Variants in FRMD4A observed in about 807,000 individuals in gnomAD.
FRMD4A encodes FERM domain containing 4A.
Under a neutral mutation model 129.1 loss-of-function variants are expected in FRMD4A, and 29 were observed. That is an observed-to-expected ratio of 0.22 (90% CI 0.17 to 0.31). FRMD4A has a LOEUF of 0.31. Ranked by LOEUF, FRMD4A falls within the 10% of genes least tolerant of loss-of-function variation. The pLI, the probability that FRMD4A is intolerant of heterozygous loss-of-function variation, is 1.00. For missense variants in FRMD4A, 1,272 were observed against 1,375.8 expected (o/e 0.92, Z 1.19); for synonymous variants, 634 against 571.6 (o/e 1.11, Z -1.56).
At chr10:13,685,620 T>C in intron 15 of FRMD4A, 1 of 984,660 alleles carries the variant, frequency 1.0e-6, no homozygotes, top group Non-Finnish European at 1.2e-6. Flanking sequence ...TGGCCCTAAA[T>C]GGGAACAGAG....
intron 2 of FRMD4A, among the ~76,000 whole-genome samples, chr10:13,954,613 G>A (rs993340982): frequency 6.6e-6 from 1 of 152,148 alleles, no homozygotes; most frequent in African/African-American, 2.4e-5. Flanking sequence ...GGGGAATTGA[G>A]AGGAGAAATT....
At chr10:13,713,245 C>A (rs1267105994) in intron 12 of FRMD4A, among the ~76,000 whole-genome samples, 5 of 152,136 alleles carry the variant, frequency 3.3e-5, no homozygotes, top group Non-Finnish European at 1.5e-5. Context: ...GATAAAGTAA[C>A]CCCAGTAGAG....
At chr10:14,131,892 T>C (rs1839278272) in intron 2 of FRMD4A, among the ~76,000 whole-genome samples, 1 of 152,162 alleles carries the variant, frequency 6.6e-6, no homozygotes, top group African/African-American at 2.4e-5. Flanking sequence ...TCAAAACACC[T>C]GCACCTCCAT....
At chr10:13,882,683 C>T (rs1434372335) in intron 2 of FRMD4A, among the ~76,000 whole-genome samples, 1 of 152,214 alleles carries the variant, frequency 6.6e-6, no homozygotes, top group African/African-American at 2.4e-5. Flanking sequence ...CCTCACTGCC[C>T]AGCCAGCAGG....
chr10:13,787,006 A>C (rs2092882062), intron 5 of FRMD4A, among the ~76,000 whole-genome samples: 1 of 152,124 alleles, frequency 6.6e-6, no homozygotes, highest in South Asian at 2.1e-4. Context: ...TTCCACTCTC[A>C]TATGATGGAA....
intron 2 of FRMD4A, among the ~76,000 whole-genome samples, chr10:14,014,321 A>C (rs976522333): frequency 1.3e-5 from 2 of 152,242 alleles, no homozygotes; most frequent in African/African-American, 4.8e-5. Context: ...CATTCTATGC[A>C]TGTAACAAAA....
intron 6 of FRMD4A, among the ~76,000 whole-genome samples, chr10:13,774,345 T>C (rs2092543296): frequency 6.6e-6 from 1 of 152,138 alleles, no homozygotes; most frequent in Admixed American, 6.5e-5. Context: ...GAAGGCAGTG[T>C]TCACAGTTTG....
rs117087576 is a variant in FRMD4A at position 14,318,830 on chromosome 10, C to T, written c.45+11228G>A. Among the ~76,000 whole-genome samples the T allele has an allele frequency of 3.4e-3, 516 of 152,272 alleles. 1 individual carries two copies. Among genetic ancestry groups the T allele is most frequent in the Non-Finnish European group, 4.6e-3 (313 of 68,014 alleles). On this transcript the variant is annotated intron_variant, in intron 2 of 24. Coordinates refer to ENST00000357447, the MANE Select transcript of FRMD4A (RefSeq NM_018027.5). The stretch of plus-strand genomic sequence containing the variant: ...CATCGACATGTCCTTCATCAAGAGG[C>T]AGTCTATATCCTCTCACCTTGGATC...
chr10:14,213,644 G>A (rs1842990944), intron 2 of FRMD4A, among the ~76,000 whole-genome samples: 1 of 152,230 alleles, frequency 6.6e-6, no homozygotes, highest in Admixed American at 6.5e-5. Context: ...AAGCATGGCA[G>A]CAAGCCAGCC....
intron 12 of FRMD4A, among the ~76,000 whole-genome samples, chr10:13,730,242 C>T (rs756145247): frequency 1.3e-5 from 2 of 152,184 alleles, no homozygotes; most frequent in East Asian, 1.9e-4. Flanking sequence ...GAGAGCCGGA[C>T]GTGAGCCAGA....
chr10:13,856,049 T>C (rs893538551), intron 3 of FRMD4A, among the ~76,000 whole-genome samples: 1 of 151,634 alleles, frequency 6.6e-6, no homozygotes. Flanking sequence ...TATCTATCTA[T>C]CTATCTATCT....
At chr10:13,903,508 C>A (rs1285474052) in intron 2 of FRMD4A, among the ~76,000 whole-genome samples, 1 of 152,136 alleles carries the variant, frequency 6.6e-6, no homozygotes, top group Non-Finnish European at 1.5e-5. Flanking sequence ...GCAGGAGGAT[C>A]ACTCTAGGCC....
At chr10:14,160,516 G>A (rs575259583) in intron 2 of FRMD4A, among the ~76,000 whole-genome samples, 1 of 152,238 alleles carries the variant, frequency 6.6e-6, no homozygotes. Flanking sequence ...TTGAATGGGA[G>A]AAAATGTTTG....
intron 2 of FRMD4A, among the ~76,000 whole-genome samples, chr10:14,185,307 G>C (rs1157437450): frequency 1.3e-5 from 2 of 152,156 alleles, no homozygotes; most frequent in Non-Finnish European, 2.9e-5. Flanking sequence ...AGGATGTAGA[G>C]ATAGAGTCTT....
rs368493315 is a variant in FRMD4A, at chr10:14,132,094, T to C, written c.45+197964A>G. Among the ~76,000 whole-genome samples the C allele has an allele frequency of 7.2e-5, 11 of 152,304 alleles. No homozygotes were observed. The East Asian group carries it at 1.2e-3, about 16-fold the overall frequency. Reference sequence around the variant, plus strand: ...GGAGGTCAGGAGATCAAGACCAGCCTGGCCAACATGGTGAAACCCCATCTC... The same window carrying C: ...GGAGGTCAGGAGATCAAGACCAGCCCGGCCAACATGGTGAAACCCCATCTC... On this transcript the variant is annotated intron_variant, in intron 2 of 24. Coordinates refer to ENST00000357447, the MANE Select transcript of FRMD4A (RefSeq NM_018027.5).
At chr10:13,845,345 C>G (rs912536011) in intron 3 of FRMD4A, among the ~76,000 whole-genome samples, 1 of 152,152 alleles carries the variant, frequency 6.6e-6, no homozygotes, top group Middle Eastern at 3.2e-3. Flanking sequence ...TGTTGGAGAT[C>G]TGGAAGGTTG....
intron 3 of FRMD4A, among the ~76,000 whole-genome samples, chr10:13,812,641 G>A (rs770767222): frequency 1.3e-5 from 2 of 152,166 alleles, no homozygotes; most frequent in African/African-American, 2.4e-5. Context: ...CAAAGAAGAT[G>A]CTCCACCCTT....
At position 13,837,072 on chromosome 10, in the gene FRMD4A, C is replaced by G. The variant is rs112885840; in HGVS notation, c.111+21775G>C. Among the ~76,000 whole-genome samples, 261 of 147,928 alleles carry G rather than the reference C, an allele frequency of 1.8e-3. 2 individuals carry two copies. Among genetic ancestry groups the G allele is most frequent in the Middle Eastern group, 6.9e-3 (2 of 288 alleles). On this transcript the variant is annotated intron_variant, in intron 3 of 24. Coordinates refer to ENST00000357447, the MANE Select transcript of FRMD4A (RefSeq NM_018027.5). ...GCACCCGGCCGGTTCCTCAGTGGTT[C>G]TTAAGCAAATGTGCCCACATCTCAC...
At chr10:13,818,498 G>A (rs1029565526) in intron 3 of FRMD4A, among the ~76,000 whole-genome samples, 1 of 152,078 alleles carries the variant, frequency 6.6e-6, no homozygotes, top group Non-Finnish European at 1.5e-5. Context: ...ATTAAATTTA[G>A]CTTCTTCCTT....
Sources: allele counts gnomAD v4.1 joint callset (sites outside exome capture counted in the v4.1 genomes callset), GRCh38; gene constraint gnomAD v4.1.1; transcripts MANE v1.5; gene names NCBI Gene and HGNC (gene_info 2026-07-23, HGNC 2026-07-21).